The following SEMA5A variants were observed in gnomAD, a reference collection of about 807,000 sequenced individuals.
SEMA5A encodes semaphorin-5A.
A neutral mutation model predicts 135.5 loss-of-function variants in SEMA5A; 55 were observed. The ratio of observed to expected loss-of-function variants is 0.41; its 90% CI spans 0.33 to 0.51. SEMA5A has a LOEUF of 0.51. Among genes scored for constraint, SEMA5A ranks in the 20% least tolerant of loss-of-function variants. The probability of loss-of-function intolerance (pLI) is 0.37; values close to 1 mark genes in which losing one functional copy is unlikely to be tolerated. For missense variants in SEMA5A, 1,290 were observed against 1,419.9 expected, an observed-to-expected ratio of 0.91 and a Z score of 1.47; for synonymous variants, 580 against 546.5, an observed-to-expected ratio of 1.06 and a Z score of -0.85.
intron 11 of SEMA5A, among the ~76,000 whole-genome samples, chr5:9,183,205 T>C (rs73038885): frequency 9.8e-4 from 150 of 152,288 alleles, no homozygotes; most frequent in African/African-American, 3.5e-3. Context: ...GGGCTCTTCC[T>C]TTATGATGAA....
chr5:9,497,229 C>A (rs962401387), intron 1 of SEMA5A, among the ~76,000 whole-genome samples: 1 of 152,148 alleles, frequency 6.6e-6, no homozygotes, highest in Non-Finnish European at 1.5e-5. Context: ...GAGTAACCAG[C>A]CTCTATATAG....
At chr5:9,400,335 A>T (rs975728481) in intron 2 of SEMA5A, among the ~76,000 whole-genome samples, 1 of 152,232 alleles carries the variant, frequency 6.6e-6, no homozygotes, top group Non-Finnish European at 1.5e-5. Flanking sequence ...TTTAAAAAAT[A>T]AAAGAATTAA....
At chr5:9,354,402 T>C (rs1754353304) in intron 3 of SEMA5A, among the ~76,000 whole-genome samples, 1 of 152,226 alleles carries the variant, frequency 6.6e-6, no homozygotes, top group Non-Finnish European at 1.5e-5. Flanking sequence ...GACATGTTTA[T>C]ATTCTCATTT....
intron 16 of SEMA5A, among the ~76,000 whole-genome samples, chr5:9,069,594 A>AT (rs541053276): frequency 7.9e-5 from 12 of 151,792 alleles, no homozygotes; most frequent in African/African-American, 2.4e-4. Context: ...TTTATTTTTT[A>AT]TTTTTTTTAC....
intron 1 of SEMA5A, among the ~76,000 whole-genome samples, chr5:9,441,855 T>C (rs1428243504): frequency 6.6e-6 from 1 of 152,130 alleles, no homozygotes; most frequent in Non-Finnish European, 1.5e-5. Context: ...GAAAAGTAGA[T>C]GACACACAGA....
At chr5:9,403,627 C>CAA (rs1756758937) in intron 2 of SEMA5A, among the ~76,000 whole-genome samples, 2 of 152,186 alleles carry the variant, frequency 1.3e-5, no homozygotes, top group South Asian at 4.1e-4. Flanking sequence ...CACATACCTG[C>CAA]TGCCACATTA....
intron 16 of SEMA5A, among the ~76,000 whole-genome samples, chr5:9,099,770 C>T (rs553147881): frequency 2.0e-5 from 3 of 152,286 alleles, no homozygotes; most frequent in African/African-American, 7.2e-5. Flanking sequence ...TCAGGCTGTG[C>T]CCAACAAGGT....
chr5:9,480,402 A>G (rs541160949), intron 1 of SEMA5A, among the ~76,000 whole-genome samples: 1 of 152,266 alleles, frequency 6.6e-6, no homozygotes, highest in South Asian at 2.1e-4. Context: ...TTAACCGCCT[A>G]AGGCAAATCA....
At chr5:9,043,142 TTTC>T (rs1736054055) in intron 22 of SEMA5A, 126 bp from the exon 23 acceptor site, 1 of 854,214 alleles carries the variant, frequency 1.2e-6, no homozygotes, top group East Asian at 2.7e-5. Flanking sequence ...TAAAATATGT[TTTC>T]TTATTTATTT....
intron 2 of SEMA5A, among the ~76,000 whole-genome samples, chr5:9,384,713 TAGACAGACAGACAGAC>T (rs72287146): frequency 9.9e-6 from 1 of 100,822 alleles, no homozygotes; most frequent in African/African-American, 4.3e-5. Flanking sequence ...GATAGATAGA[TAGACAGACAGACAGAC>T]AGACAGACAG....
chr5:9,165,413 C>G (rs1161483635), intron 11 of SEMA5A, among the ~76,000 whole-genome samples: 1 of 152,208 alleles, frequency 6.6e-6, no homozygotes, highest in East Asian at 1.9e-4. Context: ...TTTATTAATT[C>G]TGTAACTTTT....
At chr5:9,066,696 C>G in intron 16 of SEMA5A, 50 bp from the exon 17 acceptor site, 1 of 1,512,526 alleles carries the variant, frequency 6.6e-7, no homozygotes, top group Non-Finnish European at 9.1e-7. Context: ...AACAGAGCAA[C>G]CTCACGAAGG....
intron 2 of SEMA5A, among the ~76,000 whole-genome samples, chr5:9,405,620 T>A (rs148985299): frequency 1.9e-4 from 28 of 149,698 alleles, no homozygotes; most frequent in African/African-American, 6.1e-4. Flanking sequence ...TAAATAAGGA[T>A]ACTCACAGCC....
chr5:9,269,346 T>C (rs1382137527), intron 5 of SEMA5A, among the ~76,000 whole-genome samples: 1 of 152,082 alleles, frequency 6.6e-6, no homozygotes, highest in African/African-American at 2.4e-5. Context: ...TAATCACCTA[T>C]TGTGTTGGAG....
At chr5:9,506,181 A>G (rs1735870815) in intron 1 of SEMA5A, among the ~76,000 whole-genome samples, 1 of 152,188 alleles carries the variant, frequency 6.6e-6, no homozygotes, top group Non-Finnish European at 1.5e-5. Context: ...TTTTAATTTT[A>G]TTTTAGCTAT....
chr5:9,248,985 T>C (rs1748630303), intron 5 of SEMA5A, among the ~76,000 whole-genome samples: 1 of 152,150 alleles, frequency 6.6e-6, no homozygotes, highest in African/African-American at 2.4e-5. Flanking sequence ...CATACATACA[T>C]ACACATGAAT....
chr5:9,302,047 C>A (rs1311061137), intron 5 of SEMA5A, among the ~76,000 whole-genome samples: 1 of 152,114 alleles, frequency 6.6e-6, no homozygotes, highest in African/African-American at 2.4e-5. Flanking sequence ...CAAAGCCCAT[C>A]TCTTCAAATC....
chr5:9,312,658 C>T (rs1466594570), intron 5 of SEMA5A, among the ~76,000 whole-genome samples: 5 of 152,122 alleles, frequency 3.3e-5, no homozygotes, highest in Non-Finnish European at 2.9e-5. Context: ...TAACAGAGTA[C>T]TTGTATCCCA....
chr5:9,182,906 C>T (rs1049378646), intron 11 of SEMA5A, among the ~76,000 whole-genome samples: 3 of 152,040 alleles, frequency 2.0e-5, no homozygotes, highest in Admixed American at 1.3e-4. Flanking sequence ...CTTTACAGAA[C>T]TTTCAGTAAT....
Sources: allele counts gnomAD v4.1 joint callset (sites outside exome capture counted in the v4.1 genomes callset), GRCh38; gene constraint gnomAD v4.1.1; transcripts MANE v1.5; gene names NCBI Gene and HGNC (gene_info 2026-07-23, HGNC 2026-07-21).